Variants in RSRC1 observed in about 807,000 individuals in gnomAD.
RSRC1 encodes serine/Arginine-related protein 53.
Under a neutral mutation model 49.1 loss-of-function variants are expected in RSRC1, and 39 were observed. The observed-to-expected ratio is 0.79, with a 90% CI of 0.61 to 1.04. The LOEUF (loss-of-function observed/expected upper bound fraction) is 1.04. RSRC1 is among the 50% of genes least tolerant of loss of function. The pLI, the probability that RSRC1 is intolerant of heterozygous loss-of-function variation, is 0.00. For missense variants in RSRC1, 388 were observed against 402.4 expected, an observed-to-expected ratio of 0.96 and a Z score of 0.31; for synonymous variants, 143 against 130.8, an observed-to-expected ratio of 1.09 and a Z score of -0.63.
At chr3:158,267,883 TA>T (rs1217588679) in intron 4 of RSRC1, among the ~76,000 whole-genome samples, 1 of 130,714 alleles carries the variant, frequency 7.7e-6, no homozygotes, top group East Asian at 2.4e-4. Context: ...TTTTTTGGCT[TA>T]AAAAACATTA....
At chr3:158,439,031 G>A (rs865983161) in intron 6 of RSRC1, among the ~76,000 whole-genome samples, 1 of 152,246 alleles carries the variant, frequency 6.6e-6, no homozygotes, top group African/African-American at 2.4e-5. Context: ...CTCAAAAGAA[G>A]ACATTTATGC....
intron 3 of RSRC1, among the ~76,000 whole-genome samples, chr3:158,200,225 A>T (rs1469827080): frequency 1.3e-5 from 2 of 152,014 alleles, no homozygotes; most frequent in Non-Finnish European, 2.9e-5. Flanking sequence ...TTTTTAGTAG[A>T]GACAGGGTTT....
intron 6 of RSRC1, among the ~76,000 whole-genome samples, chr3:158,382,405 G>A (rs370982440): frequency 2.6e-5 from 4 of 152,242 alleles, no homozygotes. Flanking sequence ...ATTATGCTAT[G>A]CTTTTATATG....
intron 7 of RSRC1, among the ~76,000 whole-genome samples, chr3:158,483,080 C>G (rs939117): frequency 0.52 from 78,891 of 151,704 alleles, 21,063 homozygotes; most frequent in African/African-American, 0.64. Flanking sequence ...AATTATCATA[C>G]TCCCAGTAGC....
At chr3:158,209,988 G>A (rs879855551) in intron 4 of RSRC1, among the ~76,000 whole-genome samples, 5 of 152,010 alleles carry the variant, frequency 3.3e-5, no homozygotes, top group Admixed American at 3.3e-4. Flanking sequence ...AAGGGGTTTT[G>A]TTTTTTATTC....
chr3:158,373,377 C>A (rs1426991943), intron 6 of RSRC1, among the ~76,000 whole-genome samples: 1 of 151,760 alleles, frequency 6.6e-6, no homozygotes, highest in Non-Finnish European at 1.5e-5. Flanking sequence ...TCATAGATGA[C>A]TTTTTTTACG....
chr3:158,198,667 T>C (rs980001066), intron 3 of RSRC1, among the ~76,000 whole-genome samples: 3 of 152,088 alleles, frequency 2.0e-5, no homozygotes, highest in Non-Finnish European at 4.4e-5. Flanking sequence ...CTTCACCCAC[T>C]GTCGTGCACC....
At chr3:158,500,233 T>G (rs913214541) in intron 7 of RSRC1, among the ~76,000 whole-genome samples, 1 of 152,180 alleles carries the variant, frequency 6.6e-6, no homozygotes, top group African/African-American at 2.4e-5. Flanking sequence ...TCATGGTGGG[T>G]TATCTTTTCA....
intron 6 of RSRC1, among the ~76,000 whole-genome samples, chr3:158,429,819 G>C (rs902779939): frequency 6.6e-6 from 1 of 151,370 alleles, no homozygotes; most frequent in Non-Finnish European, 1.5e-5. Flanking sequence ...TATGAGATGG[G>C]TAAAATAGTC....
chr3:158,170,098 A>G (rs1052668344), intron 3 of RSRC1, among the ~76,000 whole-genome samples: 11 of 152,122 alleles, frequency 7.2e-5, no homozygotes, highest in Non-Finnish European at 2.9e-5. Flanking sequence ...TGTGAAATTT[A>G]TTGGAGAGTT....
At chr3:158,337,345 C>G (rs1729970297) in intron 5 of RSRC1, among the ~76,000 whole-genome samples, 1 of 152,206 alleles carries the variant, frequency 6.6e-6, no homozygotes, top group African/African-American at 2.4e-5. Flanking sequence ...AGTCCCACAT[C>G]AGCATTTTAA....
At chr3:158,223,216 A>G (rs1418765603) in intron 4 of RSRC1, among the ~76,000 whole-genome samples, 2 of 151,470 alleles carry the variant, frequency 1.3e-5, no homozygotes, top group Non-Finnish European at 3.0e-5. Context: ...ATCATCTGCA[A>G]TACCATCTCA....
intron 3 of RSRC1, among the ~76,000 whole-genome samples, chr3:158,195,345 G>GTT (rs146020697): frequency 9.7e-4 from 141 of 145,124 alleles, no homozygotes; most frequent in East Asian, 3.2e-3. Flanking sequence ...TGATGGGGTT[G>GTT]TTTTTTTTTT....
intron 3 of RSRC1, among the ~76,000 whole-genome samples, chr3:158,160,828 A>G (rs985450986): frequency 2.0e-5 from 3 of 152,198 alleles, no homozygotes; most frequent in Non-Finnish European, 2.9e-5. Flanking sequence ...TTATGTTATC[A>G]TCCTAGGTTA....
chr3:158,323,623 T>C (rs1327633528), intron 5 of RSRC1, among the ~76,000 whole-genome samples: 1 of 152,194 alleles, frequency 6.6e-6, no homozygotes, highest in African/African-American at 2.4e-5. Context: ...CAGTAGGTTT[T>C]TGCCATTCAA....
chr3:158,500,229 T>G, intron 7 of RSRC1, among the ~76,000 whole-genome samples: 1 of 152,164 alleles, frequency 6.6e-6, no homozygotes, highest in East Asian at 1.9e-4. Context: ...TTCATCATGG[T>G]GGGTTATCTT....
At chr3:158,469,404 C>A in intron 7 of RSRC1, 1 of 444,950 alleles carries the variant, frequency 2.2e-6, no homozygotes, top group Non-Finnish European at 4.5e-6. Context: ...TCCCATGATG[C>A]ATATATGATT....
chr3:158,378,991 G>T (rs1732537948), intron 6 of RSRC1, among the ~76,000 whole-genome samples: 1 of 151,898 alleles, frequency 6.6e-6, no homozygotes, highest in Admixed American at 6.6e-5. Flanking sequence ...CGACTTCTGG[G>T]GTCTGTGCCA....
intron 4 of RSRC1, chr3:158,276,131 G>T: frequency 1.1e-6 from 1 of 927,512 alleles, no homozygotes; most frequent in Non-Finnish European, 1.8e-6. Flanking sequence ...ACGGACTGAA[G>T]CTGTGAGCAA....
Sources: allele counts gnomAD v4.1 joint callset (sites outside exome capture counted in the v4.1 genomes callset), GRCh38; gene constraint gnomAD v4.1.1; transcripts MANE v1.5; gene names NCBI Gene and HGNC (gene_info 2026-07-23, HGNC 2026-07-21).